GABRG3: variants seen among roughly 807,000 people sequenced by gnomAD.
GABRG3 encodes gamma-aminobutyric acid type A receptor subunit gamma3.
A neutral mutation model predicts 48.8 loss-of-function variants in GABRG3; 25 were observed. The observed-to-expected ratio is 0.51, with a 90% CI of 0.37 to 0.72. The LOEUF is 0.72. Ranked by LOEUF, GABRG3 falls within the 30% of genes least tolerant of loss-of-function variation. The pLI is 0.00. For missense variants in GABRG3, 394 were observed against 577.9 expected, an observed-to-expected ratio of 0.68 and a Z score of 3.26; for synonymous variants, 227 against 217.6, an observed-to-expected ratio of 1.04 and a Z score of -0.38.
intron 3 of GABRG3, among the ~76,000 whole-genome samples, chr15:27,318,058 C>A (rs62001309): frequency 0.49 from 73,976 of 151,918 alleles, 18,753 homozygotes; most frequent in Non-Finnish European, 0.55. Context: ...GCTCCTGTAA[C>A]GCAGCTGCTA....
chr15:27,233,783 A>G (rs1889874922), intron 3 of GABRG3, among the ~76,000 whole-genome samples: 1 of 152,212 alleles, frequency 6.6e-6, no homozygotes, highest in Non-Finnish European at 1.5e-5. Flanking sequence ...CTACCAGGGA[A>G]CCCAGATTAG....
At chr15:27,339,595 G>C (rs934571598) in intron 5 of GABRG3, among the ~76,000 whole-genome samples, 16 of 152,214 alleles carry the variant, frequency 1.1e-4, no homozygotes, top group Non-Finnish European at 1.9e-4. Context: ...TTCCTGCTAA[G>C]ATGACAGTGA....
intron 3 of GABRG3, among the ~76,000 whole-genome samples, chr15:27,077,918 C>T (rs924750348): frequency 6.6e-6 from 1 of 152,194 alleles, no homozygotes; most frequent in Non-Finnish European, 1.5e-5. Flanking sequence ...AGCTATTGTG[C>T]ACCCCAGCCA....
intron 3 of GABRG3, among the ~76,000 whole-genome samples, chr15:27,159,851 C>T (rs903399190): frequency 3.3e-5 from 5 of 152,288 alleles, no homozygotes; most frequent in African/African-American, 7.2e-5. Context: ...GTCCAGAAGG[C>T]GATTAAGTCC....
chr15:27,541,764 G>T lies in GABRG3; in HGVS notation c.*8883G>T, dbSNP rs1218398501. 6.6e-6 allele frequency: 1 copy of T among 152,182 alleles called. No homozygotes were observed. Among genetic ancestry groups the T allele is most frequent in the East Asian group, 1.9e-4 (1 of 5,152 alleles). 9.4% of individuals were successfully genotyped at this position (152,182 alleles called of 1,614,324 possible). Reference sequence around the variant, plus strand: ...CGCCCTCCTCCCCTGCGCAGAGGACGTGGCTCCCCGCTATCCGTGCGGCTC... The same window carrying T: ...CGCCCTCCTCCCCTGCGCAGAGGACTTGGCTCCCCGCTATCCGTGCGGCTC... On this transcript the variant is annotated 3_prime_UTR_variant, in exon 10 of 10. Transcript: ENST00000615808.
At chr15:27,317,590 G>A (rs745891762) in intron 3 of GABRG3, among the ~76,000 whole-genome samples, 7 of 152,172 alleles carry the variant, frequency 4.6e-5, no homozygotes, top group African/African-American at 7.2e-5. Flanking sequence ...GGCTAAGCAT[G>A]TTCAGTCTAA....
chr15:27,072,242 A>G (rs1896840925), intron 3 of GABRG3, among the ~76,000 whole-genome samples: 1 of 152,100 alleles, frequency 6.6e-6, no homozygotes, highest in South Asian at 2.1e-4. Context: ...TCATATTACG[A>G]ATGGAATTTC....
intron 2 of GABRG3, among the ~76,000 whole-genome samples, chr15:26,985,748 T>C (rs1044019370): frequency 6.6e-6 from 1 of 152,094 alleles, no homozygotes; most frequent in African/African-American, 2.4e-5. Context: ...CCTGTTTAAG[T>C]GAAATTTGGA....
At chr15:27,075,083 C>T (rs548500783) in intron 3 of GABRG3, among the ~76,000 whole-genome samples, 11 of 152,188 alleles carry the variant, frequency 7.2e-5, no homozygotes, top group African/African-American at 9.6e-5. Context: ...AATGTGAACA[C>T]GATTTTCAAA....
intron 3 of GABRG3, among the ~76,000 whole-genome samples, chr15:27,079,939 C>G (rs1355605907): frequency 2.0e-5 from 3 of 152,158 alleles, no homozygotes; most frequent in African/African-American, 7.2e-5. Context: ...AACATCACTC[C>G]CAGCTCACTC....
intron 3 of GABRG3, among the ~76,000 whole-genome samples, chr15:27,320,837 A>G (rs948173005): frequency 1.3e-5 from 2 of 152,238 alleles, no homozygotes; most frequent in African/African-American, 4.8e-5. Context: ...TTGATTTTTC[A>G]TAATTCATAT....
rs1321320664 is a variant in GABRG3 at position 27,538,445 on chromosome 15, T to C, written c.*5564T>C. On this transcript the variant is annotated 3_prime_UTR_variant, in exon 10 of 10. Transcript: ENST00000615808. ...TTCCAAAACAGACATGATTTGAATGTAGCATTCAGGTTATTGAGGTGAACG... is the reference window on the plus strand; with the variant it reads ...TTCCAAAACAGACATGATTTGAATGCAGCATTCAGGTTATTGAGGTGAACG... 1 of 152,222 alleles carries C rather than the reference T, an allele frequency of 6.6e-6. No individual in the cohort carries two copies. The highest frequency in any genetic ancestry group is 1.5e-5 in the Non-Finnish European group (1 of 68,040). 9.4% of individuals were successfully genotyped at this position (152,222 alleles called of 1,614,324 possible).
At chr15:27,020,658 C>A (rs567820166) in intron 2 of GABRG3, among the ~76,000 whole-genome samples, 1 of 152,156 alleles carries the variant, frequency 6.6e-6, no homozygotes, top group South Asian at 2.1e-4. Context: ...ACCTCGTGAT[C>A]CGCCCCCCTC....
chr15:27,289,009 A>G (rs1431519299), intron 3 of GABRG3, among the ~76,000 whole-genome samples: 3 of 152,188 alleles, frequency 2.0e-5, no homozygotes, highest in Non-Finnish European at 2.9e-5. Flanking sequence ...ATCTTCTTCC[A>G]TAACTTTGAG....
At position 27,054,253 on chromosome 15, in the gene GABRG3, A is replaced by AG. The variant is rs1004232629; in HGVS notation, c.270+27432_270+27433insG. Reference sequence around the variant, plus strand: ...AACTCTATCTCAAAAAGAAAAAAAAAAAGAAAAAAGGAGGGAGGGTGTGAG... The same window carrying AG: ...AACTCTATCTCAAAAAGAAAAAAAAAGAAGAAAAAAGGAGGGAGGGTGTGAG... On this transcript the variant is annotated intron_variant, in intron 3 of 9. Transcript: ENST00000615808. Among the ~76,000 whole-genome samples, 21 of 151,814 alleles carry AG rather than the reference A, an allele frequency of 1.4e-4. 1 individual carries two copies. The highest frequency in any genetic ancestry group is 4.6e-4 in the African/African-American group (19 of 41,416).
intron 3 of GABRG3, among the ~76,000 whole-genome samples, chr15:27,072,523 G>A (rs927921106): frequency 6.6e-6 from 1 of 152,054 alleles, no homozygotes; most frequent in African/African-American, 2.4e-5. Flanking sequence ...ATTTTATTAG[G>A]GTATGCTAAT....
intron 3 of GABRG3, among the ~76,000 whole-genome samples, chr15:27,300,014 T>C (rs1175852167): frequency 6.6e-6 from 1 of 152,168 alleles, no homozygotes; most frequent in Non-Finnish European, 1.5e-5. Flanking sequence ...AGAGCTAACA[T>C]TGATAGACAG....
At chr15:27,498,947 G>A (rs894331294) in intron 6 of GABRG3, among the ~76,000 whole-genome samples, 19 of 152,140 alleles carry the variant, frequency 1.2e-4, no homozygotes, top group African/African-American at 1.9e-4. Context: ...TGACTCCCAC[G>A]ACAAGCATCA....
intron 3 of GABRG3, among the ~76,000 whole-genome samples, chr15:27,254,663 C>T (rs2140462140): frequency 6.6e-6 from 1 of 152,174 alleles, no homozygotes; most frequent in Admixed American, 6.5e-5. Flanking sequence ...CTCTCAGGGG[C>T]CTCTTTCATA....
Sources: gnomAD v4.1 joint callset for allele counts (sites outside exome capture counted in the v4.1 genomes callset) on GRCh38, gnomAD v4.1.1 for gene constraint, MANE v1.5 for transcripts, NCBI Gene and HGNC (gene_info 2026-07-23, HGNC 2026-07-21) for gene names.